PIN4: variants seen among roughly 807,000 people sequenced by gnomAD.
PIN4 encodes peptidyl-prolyl cis-trans isomerase NIMA-interacting 4.
A neutral mutation model predicts 8.3 loss-of-function variants in PIN4; 3 were observed. That is an observed-to-expected ratio of 0.36 (90% CI 0.16 to 0.93). The LOEUF is 0.93. Ranked by LOEUF, PIN4 falls within the 40% of genes least tolerant of loss-of-function variation. PIN4 has a pLI of 0.44. For missense variants in PIN4, 75 were observed against 100.6 expected (o/e 0.75, Z 1.09); for synonymous variants, 18 against 32.5 (o/e 0.55, Z 1.52).
chrX:72,191,357 C>T (rs5958771), intron 2 of PIN4, among the ~76,000 whole-genome samples: 28,580 of 109,526 alleles, frequency 0.26, 2,942 homozygotes, highest in East Asian at 0.5. Flanking sequence ...TCGAGACCAG[C>T]CTGGCCAACA....
At chrX:72,216,507 AATC>A (rs1230407848) in intron 3 of PIN4, among the ~76,000 whole-genome samples, 2 of 112,021 alleles carry the variant, frequency 1.8e-5, no homozygotes, top group Non-Finnish European at 3.8e-5. Context: ...CACAACGTGT[AATC>A]ATCACCACTA....
Position 72,198,002 on chromosome X carries a change from T to C in PIN4, c.*476T>C. On this transcript the variant is annotated 3_prime_UTR_variant, in exon 4 of 4. Transcript: ENST00000373669. ...ATCTTCCAGGACAGGTGGTATTAGC[T>C]CCACTGTCTTAACATAGTACGTGGC... The C allele has an allele frequency of 1.3e-6, 1 of 750,444 alleles. No individual in the cohort carries two copies. The highest frequency in any genetic ancestry group is 1.6e-6 in the Non-Finnish European group (1 of 634,027). The allele number at this position is 750,444 out of a possible 1,213,427, so 61.8% of individuals were successfully genotyped here.
At chrX:72,205,347 C>T in intron 3 of PIN4, 8 of 1,212,024 alleles carry the variant, frequency 6.6e-6, no homozygotes, top group Non-Finnish European at 7.8e-6. Context: ...CTTCTGTATA[C>T]TTGGAGGCTT....
At chrX:72,242,633 A>G (rs1321919330) in intron 3 of PIN4, among the ~76,000 whole-genome samples, 5 of 112,473 alleles carry the variant, frequency 4.4e-5, no homozygotes, top group African/African-American at 1.6e-4. Flanking sequence ...AACACTTTAC[A>G]TCGATTAATT....
intron 3 of PIN4, among the ~76,000 whole-genome samples, chrX:72,259,723 C>CCT (rs1569493582): frequency 1.0e-5 from 1 of 98,217 alleles, no homozygotes; most frequent in African/African-American, 3.7e-5. Flanking sequence ...GAGGCCATAT[C>CCT]CTTTTTTTTT....
intron 3 of PIN4, chrX:72,204,998 T>C (rs2042807533): frequency 8.7e-7 from 1 of 1,145,016 alleles, no homozygotes. Flanking sequence ...TAAAATACAA[T>C]AAACAGGTTA....
chrX:72,223,324 G>A (rs6625983), intron 3 of PIN4, among the ~76,000 whole-genome samples: 1,506 of 93,795 alleles, frequency 0.016, 30 homozygotes, highest in Admixed American at 0.081. Context: ...TGGGCAAAAA[G>A]AGTGAAACTC....
At chrX:72,206,674 T>C (rs1401840923) in intron 3 of PIN4, 1 of 1,211,450 alleles carries the variant, frequency 8.3e-7, no homozygotes, top group African/African-American at 1.7e-5. Flanking sequence ...AACCCTTTGT[T>C]GAATATAGTG....
chrX:72,201,752 C>T (rs2042790906), downstream of PIN4, among the ~76,000 whole-genome samples: 1 of 113,017 alleles, frequency 8.8e-6, no homozygotes, highest in African/African-American at 3.2e-5. Context: ...GTGATTTCTA[C>T]TGGTGACATA....
intron 3 of PIN4, among the ~76,000 whole-genome samples, chrX:72,231,440 C>T (rs892965950): frequency 3.6e-5 from 4 of 111,263 alleles, no homozygotes; most frequent in African/African-American, 1.3e-4. Context: ...AAATGTTAGT[C>T]AATGGTACAA....
intron 3 of PIN4, among the ~76,000 whole-genome samples, chrX:72,232,950 A>C (rs1029687193): frequency 2.3e-4 from 26 of 110,749 alleles, no homozygotes; most frequent in African/African-American, 8.2e-4. Flanking sequence ...AAAAAAAAAA[A>C]CTGATTTGAG....
At chrX:72,215,065 C>T (rs2042880641) in intron 3 of PIN4, among the ~76,000 whole-genome samples, 2 of 112,187 alleles carry the variant, frequency 1.8e-5, no homozygotes, top group African/African-American at 6.5e-5. Context: ...AAAGAACAAA[C>T]TACTACATGT....
chrX:72,246,891 C>T (rs183663639), intron 3 of PIN4, among the ~76,000 whole-genome samples: 92 of 112,178 alleles, frequency 8.2e-4, no homozygotes, highest in African/African-American at 2.8e-3. Context: ...CTGGCTCCCC[C>T]GTGATCATGT....
upstream of PIN4, chrX:72,181,688 G>T: frequency 1.1e-6 from 1 of 880,436 alleles, no homozygotes; most frequent in African/African-American, 1.9e-5. Context: ...TTGAGATGCG[G>T]CTTTCAGGCA....
chrX:72,234,414 C>T (rs1371647295), intron 3 of PIN4, among the ~76,000 whole-genome samples: 1 of 111,887 alleles, frequency 8.9e-6, no homozygotes, highest in Non-Finnish European at 1.9e-5. Flanking sequence ...TTGATAAAAG[C>T]AGTTTGTGTA....
intron 3 of PIN4, chrX:72,206,445 A>C: frequency 3.3e-6 from 4 of 1,210,827 alleles, no homozygotes; most frequent in Non-Finnish European, 4.5e-6. Context: ...CAATGACTAC[A>C]CTTGCCATTT....
At chrX:72,204,826 A>G in intron 3 of PIN4, 1 of 325,370 alleles carries the variant, frequency 3.1e-6, no homozygotes, top group South Asian at 1.1e-4. Flanking sequence ...TATTCAAGTG[A>G]AGAAATATTA....
chrX:72,217,593 T>C (rs1005910909), intron 3 of PIN4, among the ~76,000 whole-genome samples: 5 of 111,862 alleles, frequency 4.5e-5, no homozygotes, highest in Non-Finnish European at 7.5e-5. Context: ...TATTTATGCA[T>C]ATATTGTGAA....
Position 72,196,964 on chromosome X carries a change from CAAAT to C in PIN4, c.237+63_237+66del, listed in dbSNP as rs766062380. Reference sequence around the variant, plus strand: ...AGGTAAGAAAGCAAAGTAAAAATGACAAATAATAAAATAAGATAAAAATTCTCCA... The same window carrying C: ...AGGTAAGAAAGCAAAGTAAAAATGACAATAAAATAAGATAAAAATTCTCCA... On this transcript the variant is annotated intron_variant, in intron 3 of 3. Transcript: ENST00000373669. The C allele has an allele frequency of 5.1e-5, 50 of 978,251 alleles. No homozygotes were observed. In the South Asian group the frequency reaches 1.3e-3, roughly 25 times the overall value. The allele number at this position is 978,251 out of a possible 1,213,427, so 80.6% of individuals were successfully genotyped here.
Sources: gnomAD v4.1 joint callset for allele counts (sites outside exome capture counted in the v4.1 genomes callset) on GRCh38, gnomAD v4.1.1 for gene constraint, MANE v1.5 for transcripts, NCBI Gene and HGNC (gene_info 2026-07-23, HGNC 2026-07-21) for gene names.